ZNF264: variants seen among roughly 807,000 people sequenced by gnomAD.
ZNF264 encodes zinc finger protein 264.
ZNF264 carries 11 observed loss-of-function variants against 11.2 expected under a neutral mutation model. The observed-to-expected ratio is 0.98, with a 90% CI of 0.62 to 1.63. ZNF264 has a LOEUF of 1.63. Among genes scored for constraint, ZNF264 ranks in the 40% most tolerant of loss-of-function variants. The pLI, the probability that ZNF264 is intolerant of heterozygous loss-of-function variation, is 0.00. For missense variants in ZNF264, 752 were observed against 768.1 expected (o/e 0.98, Z 0.25); for synonymous variants, 309 against 279.8 (o/e 1.10, Z -1.04).
intron 1 of ZNF264, chr19:57,192,658 C>A: frequency 4.1e-6 from 3 of 735,090 alleles, no homozygotes; most frequent in African/African-American, 1.9e-5. Context: ...TGTCGTTCCC[C>A]AAGTAGATGC....
chr19:57,193,557 C>T, intron 1 of ZNF264: 2 of 984,460 alleles, frequency 2.0e-6, no homozygotes, highest in East Asian at 1.1e-4. Flanking sequence ...CCGTTGTAAC[C>T]ATTATTGCTA....
intron 1 of ZNF264, chr19:57,192,467 A>G (rs1344411382): frequency 8.1e-6 from 8 of 985,248 alleles, no homozygotes; most frequent in Non-Finnish European, 7.2e-6. Flanking sequence ...TCTCATCGCT[A>G]CAGCCTGCAT....
At chr19:57,201,028 A>C (rs1327701142) in intron 2 of ZNF264, among the ~76,000 whole-genome samples, 1 of 151,898 alleles carries the variant, frequency 6.6e-6, no homozygotes, top group African/African-American at 2.4e-5. Flanking sequence ...TAATTGGATC[A>C]AATTATGGAC....
chr19:57,200,352 T>G (rs1183095884), intron 2 of ZNF264, among the ~76,000 whole-genome samples: 1 of 150,958 alleles, frequency 6.6e-6, no homozygotes, highest in Non-Finnish European at 1.5e-5. Context: ...CCAAATGCCA[T>G]CCCAGCGCTT....
chr19:57,192,149 G>A (rs891310709), intron 1 of ZNF264, among the ~76,000 whole-genome samples: 14 of 152,124 alleles, frequency 9.2e-5, no homozygotes, highest in Non-Finnish European at 1.6e-4. Context: ...GTTGTTGAGT[G>A]AATGATGCTT....
intron 3 of ZNF264, 138 bp downstream of exon 3, chr19:57,205,630 A>C (rs1055105741): frequency 1.3e-6 from 1 of 781,226 alleles, no homozygotes; most frequent in Non-Finnish European, 2.1e-6. Flanking sequence ...ATCACACTAG[A>C]ATGTTCCATT....
rs1280987533 is a variant in ZNF264, at chr19:57,214,054, T to C, written c.*1073T>C. The stretch of plus-strand genomic sequence containing the variant: ...CAATTTTTGGTAGTATACAGAAATA[T>C]AATATTTTTGGACATTGTTTTGCTA... On this transcript the variant is annotated 3_prime_UTR_variant, in exon 4 of 4. Coordinates refer to ENST00000263095, the MANE Select transcript of ZNF264 (RefSeq NM_003417.5). 1.3e-5 allele frequency: 2 copies of C among 151,986 alleles called. No homozygotes were observed. Among genetic ancestry groups the C allele is most frequent in the East Asian group, 1.9e-4 (1 of 5,196 alleles). The allele number at this position is 151,986 out of a possible 1,614,324, so 9.4% of individuals were successfully genotyped here.
At chr19:57,202,818 G>A (rs1042757237) in intron 2 of ZNF264, among the ~76,000 whole-genome samples, 1 of 151,864 alleles carries the variant, frequency 6.6e-6, no homozygotes, top group Non-Finnish European at 1.5e-5. Context: ...AACCCAAAGA[G>A]GGGGTCGCGG....
In ZNF264 at chr19:57,211,664, G is replaced by A. The variant is rs1477537509; in HGVS notation, c.567G>A (p.Glu189=). The part of the protein sequence containing the change: ...GDRVRSHNSC[E]SGKDPMIQEE... ...GAGTCCGTAGCCATAACTCATGTGA[G>A]TCAGGTAAAGATCCCATGATTCAGG... Residue 189 remains glutamate (E), a synonymous_variant, in exon 4 of 4, where the codon GAG becomes GAA. Coordinates refer to ENST00000263095, the MANE Select transcript of ZNF264 (RefSeq NM_003417.5). 10 of 1,614,060 alleles carry A rather than the reference G, an allele frequency of 6.2e-6. No individual in the cohort carries two copies. The highest frequency in any genetic ancestry group is 8.5e-6 in the Non-Finnish European group (10 of 1,180,028).
chr19:57,211,890 G>C lies in ZNF264; in HGVS notation c.793G>C (p.Gly265Arg). 1 of 1,614,138 alleles carries C rather than the reference G, an allele frequency of 6.2e-7. No homozygotes were observed. Among genetic ancestry groups the C allele is most frequent in the Non-Finnish European group, 8.5e-7 (1 of 1,180,028 alleles). ...GAGGCCCTATGAGTGCATGGAGTGT[G>C]GAAAGGCCTTCAACCGCAAGTCATA... Reference protein sequence around the residue: ...GERPYECMECGKAFNRKSYLT... With the variant: ...GERPYECMECRKAFNRKSYLT... The change falls in exon 4 of 4, where the codon GGA becomes CGA. Residue 265 changes from glycine to arginine, a missense_variant. Gly to Arg is a moderately radical substitution (Grantham distance 125). Transcript: ENST00000263095.
At chr19:57,204,022 T>G (rs1414043552) in intron 2 of ZNF264, among the ~76,000 whole-genome samples, 2 of 152,038 alleles carry the variant, frequency 1.3e-5, no homozygotes, top group African/African-American at 4.8e-5. Flanking sequence ...CTGTCTCTAC[T>G]GAAAATCCAA....
chr19:57,211,040 T>G (rs905115190), intron 3 of ZNF264, among the ~76,000 whole-genome samples: 2 of 152,222 alleles, frequency 1.3e-5, no homozygotes, highest in African/African-American at 2.4e-5. Flanking sequence ...CTTGCTTAGT[T>G]GCTTACAGGA....
intron 2 of ZNF264, among the ~76,000 whole-genome samples, chr19:57,197,582 G>T (rs1463324862): frequency 6.6e-6 from 1 of 151,912 alleles, no homozygotes; most frequent in Non-Finnish European, 1.5e-5. Flanking sequence ...CAGCAGCCTA[G>T]ACCTGCCTGT....
chr19:57,193,661 C>A, intron 1 of ZNF264: 1 of 676,434 alleles, frequency 1.5e-6, no homozygotes, highest in Non-Finnish European at 1.8e-6. Flanking sequence ...GTGTCATTCT[C>A]TAACGGCCGT....
rs1221450824 is a variant in ZNF264 at position 57,205,511 on chromosome 19, G to A, written c.256+19G>A. On this transcript the variant is annotated intron_variant, in intron 3 of 3. Coordinates refer to ENST00000263095, the MANE Select transcript of ZNF264 (RefSeq NM_003417.5). Reference sequence around the variant, plus strand: ...TGTCCAGGTAGGAGCCAAGATCTGGGCAGGTTGGAGTCCCTTCTGGCTTAA... The same window carrying A: ...TGTCCAGGTAGGAGCCAAGATCTGGACAGGTTGGAGTCCCTTCTGGCTTAA... The A allele has an allele frequency of 6.3e-7, 1 of 1,592,162 alleles. No homozygotes were observed. The highest frequency in any genetic ancestry group is 1.1e-5 in the South Asian group (1 of 87,624).
intron 2 of ZNF264, among the ~76,000 whole-genome samples, chr19:57,204,502 A>G (rs1369749056): frequency 6.6e-6 from 1 of 152,164 alleles, no homozygotes; most frequent in Non-Finnish European, 1.5e-5. Flanking sequence ...GGTTTTATAA[A>G]GGGGGGTTCC....
At chr19:57,194,700 C>T in intron 2 of ZNF264, 1 of 396,954 alleles carries the variant, frequency 2.5e-6, no homozygotes, top group Non-Finnish European at 4.5e-6. Flanking sequence ...TTAGATGGTG[C>T]CCACCCAGAT....
Position 57,219,174 on chromosome 19 carries a change from C to G in ZNF264, c.*6193C>G, listed in dbSNP as rs781421960. On this transcript the variant is annotated 3_prime_UTR_variant, in exon 4 of 4. Coordinates refer to ENST00000263095, the MANE Select transcript of ZNF264 (RefSeq NM_003417.5). ...CTCCATCTCAAAAAAAAAAAAAATT[C>G]TCTAGCTCTCTATGCCTTGTTGTAT... The G allele has an allele frequency of 6.6e-6, 1 of 152,384 alleles. No homozygotes were observed. Among genetic ancestry groups the G allele is most frequent in the Non-Finnish European group, 1.5e-5 (1 of 68,330 alleles). 9.4% of individuals were successfully genotyped at this position (152,384 alleles called of 1,614,324 possible). A position where few individuals can be genotyped will look rare whatever the true frequency, so the allele number is the denominator to read the frequency against.
chr19:57,208,255 G>A (rs2087308963), intron 3 of ZNF264, among the ~76,000 whole-genome samples: 1 of 152,122 alleles, frequency 6.6e-6, no homozygotes, highest in South Asian at 2.1e-4. Flanking sequence ...GCATTTAATT[G>A]TCTAGATTTG....
Sources: allele counts gnomAD v4.1 joint callset (sites outside exome capture counted in the v4.1 genomes callset), GRCh38; gene constraint gnomAD v4.1.1; transcripts MANE v1.5; gene names NCBI Gene and HGNC (gene_info 2026-07-23, HGNC 2026-07-21).